The following FAM167A variants were observed in gnomAD, a reference collection of about 807,000 sequenced individuals.
FAM167A encodes the protein protein FAM167A.
FAM167A carries 23 observed loss-of-function variants against 14.9 expected under a neutral mutation model. The observed-to-expected ratio is 1.55, with a 90% confidence interval of 1.11 to 2.19. FAM167A has a LOEUF of 2.19. Ranked by LOEUF, FAM167A falls within the 30% of genes most tolerant of loss-of-function variation. The pLI, the probability that FAM167A is intolerant of heterozygous loss-of-function variation, is 0.00. For synonymous variants in FAM167A, 174 were observed against 117.7 expected, an observed-to-expected ratio of 1.48 and a Z score of -3.10; for missense variants, 401 against 281.5, an observed-to-expected ratio of 1.42 and a Z score of -3.04.
chr8:11,472,437 G>GTTTTTT, upstream of FAM167A, among the ~76,000 whole-genome samples: 1 of 122,550 alleles, frequency 8.2e-6, no homozygotes, highest in Non-Finnish European at 1.7e-5. Flanking sequence ...TGTTTTTTGG[G>GTTTTTT]TTTTTTTTTT....
chr8:11,449,633 G>T (rs567915710), intron 1 of FAM167A, among the ~76,000 whole-genome samples: 5 of 152,214 alleles, frequency 3.3e-5, no homozygotes, highest in African/African-American at 1.2e-4. Context: ...ATCCCACCAG[G>T]CCCAGGCACG....
chr8:11,448,501 A>G (rs1235573093), intron 1 of FAM167A, among the ~76,000 whole-genome samples: 1 of 152,170 alleles, frequency 6.6e-6, no homozygotes, highest in African/African-American at 2.4e-5. Context: ...TGACCCTCCA[A>G]CTGCACTGAG....
chr8:11,449,212 C>T (rs1390222343), intron 1 of FAM167A, among the ~76,000 whole-genome samples: 3 of 152,242 alleles, frequency 2.0e-5, no homozygotes, highest in Non-Finnish European at 4.4e-5. Flanking sequence ...GGTGCCTGAA[C>T]AAGCCCAAAG....
rs114044063 is a variant in FAM167A at position 11,452,306 on chromosome 8, C to T, written c.-397-7498G>A. Among the ~76,000 whole-genome samples the T allele has an allele frequency of 6.7e-3, 1,021 of 152,358 alleles. 19 individuals are homozygous for T. The highest frequency in any genetic ancestry group is 0.023 in the African/African-American group (946 of 41,586). ...CCTTGCTCTGCTCCTCTGGCAGAAA[C>T]GCCGCCCATGGTTCCCTGTGCAAAA... On this transcript the variant is annotated intron_variant, in intron 1 of 2. Transcript: ENST00000284486.
At chr8:11,444,914 T>G in intron 1 of FAM167A, 106 bp from the exon 2 acceptor site, 1 of 891,242 alleles carries the variant, frequency 1.1e-6, no homozygotes, top group Non-Finnish European at 1.3e-6. Flanking sequence ...AGTGGACTGG[T>G]GGCTGCGCTT....
chr8:11,463,270 C>T (rs1303210696), intron 1 of FAM167A, among the ~76,000 whole-genome samples: 1 of 152,206 alleles, frequency 6.6e-6, no homozygotes, highest in Non-Finnish European at 1.5e-5. Context: ...ACTGGAGGGA[C>T]TTAGGTCAGT....
intron 2 of FAM167A, among the ~76,000 whole-genome samples, chr8:11,440,431 CT>C (rs1346132927): frequency 1.3e-5 from 2 of 152,230 alleles, no homozygotes; most frequent in Non-Finnish European, 2.9e-5. Flanking sequence ...GAGCTGACCC[CT>C]GAGAGCTGTT....
At chr8:11,467,259 C>T (rs1807812243), upstream of FAM167A, among the ~76,000 whole-genome samples, 5 of 152,396 alleles carry the variant, frequency 3.3e-5, no homozygotes, top group South Asian at 1.0e-3. Context: ...GGTGCAAAGA[C>T]GCGAGCGTTT....
At chr8:11,428,219 T>C (rs1269308899) in intron 2 of FAM167A, among the ~76,000 whole-genome samples, 1 of 152,192 alleles carries the variant, frequency 6.6e-6, no homozygotes, top group East Asian at 1.9e-4. Flanking sequence ...AGACTATCTG[T>C]GAGACGCAGG....
At chr8:11,452,083 T>A (rs898043009) in intron 1 of FAM167A, among the ~76,000 whole-genome samples, 2 of 152,080 alleles carry the variant, frequency 1.3e-5, no homozygotes, top group South Asian at 2.1e-4. Flanking sequence ...ATTCCACGTG[T>A]CCCTTGGTGG....
chr8:11,460,376 G>A (rs547858031), intron 1 of FAM167A, among the ~76,000 whole-genome samples: 1 of 152,338 alleles, frequency 6.6e-6, no homozygotes, highest in African/African-American at 2.4e-5. Flanking sequence ...ATTGGTTTGG[G>A]TGTGATGACC....
rs564039250 is a variant in FAM167A at position 11,449,319 on chromosome 8, G to A, written c.-397-4511C>T. On this transcript the variant is annotated intron_variant, in intron 1 of 2. Coordinates refer to ENST00000284486, the MANE Select transcript of FAM167A (RefSeq NM_053279.3). ...GCAGAAAAGCTTGTCACTGCTCACT[G>A]GGCACTGAGCTGGACCCGGCCTGAG... 6.6e-5 allele frequency among the ~76,000 whole-genome samples: 10 copies of A among 152,330 alleles called. No individual in the cohort carries two copies. In the South Asian group the frequency reaches 1.9e-3, roughly 28 times the overall value.
intron 1 of FAM167A, among the ~76,000 whole-genome samples, chr8:11,465,153 T>C (rs982122130): frequency 2.0e-5 from 3 of 152,136 alleles, no homozygotes; most frequent in Non-Finnish European, 4.4e-5. Context: ...AAGAAATGGC[T>C]TTCCTGGCTC....
At chr8:11,445,451 C>T in intron 1 of FAM167A, 2 of 985,872 alleles carry the variant, frequency 2.0e-6, no homozygotes, top group South Asian at 9.4e-5. Context: ...GCAAATAAAC[C>T]TGCAGCTGTG....
rs1016067086 is a variant in FAM167A at position 11,424,318 on chromosome 8, C to A, written c.*55G>T. 23 of 1,600,542 alleles carry A rather than the reference C, an allele frequency of 1.4e-5. No individual in the cohort carries two copies. Among genetic ancestry groups the A allele is most frequent in the Non-Finnish European group, 2.0e-5 (23 of 1,171,266 alleles). On this transcript the variant is annotated 3_prime_UTR_variant, in exon 3 of 3. Transcript: ENST00000284486. ...GTAACTTGGCCTCAGCTTCCTCTGA[C>A]ACCCCTCCAGCCCAAGCCCTCCGCT...
intron 2 of FAM167A, among the ~76,000 whole-genome samples, chr8:11,432,028 T>C (rs373178814): frequency 6.6e-6 from 1 of 152,036 alleles, no homozygotes; most frequent in African/African-American, 2.4e-5. Flanking sequence ...GGATGTGCAT[T>C]TGGGAAAGGC....
intron 1 of FAM167A, among the ~76,000 whole-genome samples, chr8:11,456,135 CTGTG>C (rs1189603955): frequency 1.2e-3 from 18 of 15,012 alleles, no homozygotes; most frequent in African/African-American, 4.1e-3. Flanking sequence ...GGTTGCCTTG[CTGTG>C]TGTGTGTGTG....
Position 11,459,490 on chromosome 8 carries a change from A to T in FAM167A, c.-398+7136T>A, listed in dbSNP as rs561379761. 5.9e-5 allele frequency among the ~76,000 whole-genome samples: 9 copies of T among 152,336 alleles called. No individual in the cohort carries two copies. The East Asian group carries it at 1.7e-3, about 29-fold the overall frequency. On this transcript the variant is annotated intron_variant, in intron 1 of 2. Coordinates refer to ENST00000284486, the MANE Select transcript of FAM167A (RefSeq NM_053279.3). ...TCTGTAAAATTGTTCTGGGCAGAAG[A>T]GGAAGAAGAGACCGAGCGCCTCGGT... is the stretch of plus-strand genomic sequence containing the variant.
At chr8:11,446,562 T>G (rs1806793853) in intron 1 of FAM167A, 1 of 151,852 alleles carries the variant, frequency 6.6e-6, no homozygotes, top group Non-Finnish European at 1.5e-5. Context: ...GACACTAGAG[T>G]TGGGATCAGA....
Sources: allele counts gnomAD v4.1 joint callset (sites outside exome capture counted in the v4.1 genomes callset), GRCh38; gene constraint gnomAD v4.1.1; transcripts MANE v1.5; gene names NCBI Gene and HGNC (gene_info 2026-07-23, HGNC 2026-07-21).